The following MRPL1 variants were observed in gnomAD, a reference collection of about 807,000 sequenced individuals.
MRPL1 encodes large ribosomal subunit protein uL1m.
A neutral mutation model predicts 38.0 loss-of-function variants in MRPL1; 28 were observed. The observed-to-expected ratio is 0.74, with a 90% CI of 0.55 to 1.01. MRPL1 has a LOEUF of 1.01. Among genes scored for constraint, MRPL1 ranks in the 50% least tolerant of loss-of-function variants. The probability of loss-of-function intolerance (pLI) is 0.00; values close to 1 mark genes in which losing one functional copy is unlikely to be tolerated. For synonymous variants in MRPL1, 123 were observed against 126.7 expected, an observed-to-expected ratio of 0.97 and a Z score of 0.20; for missense variants, 358 against 389.8, an observed-to-expected ratio of 0.92 and a Z score of 0.69.
intron 7 of MRPL1, among the ~76,000 whole-genome samples, chr4:77,918,322 C>T (rs1472069044): frequency 6.6e-6 from 1 of 152,064 alleles, no homozygotes; most frequent in East Asian, 1.9e-4. Context: ...AATTTTCTCC[C>T]AAGTTTAAAT....
At chr4:77,884,489 T>C (rs1285372996) in intron 3 of MRPL1, among the ~76,000 whole-genome samples, 2 of 152,194 alleles carry the variant, frequency 1.3e-5, no homozygotes. Context: ...CTGGTCAAAA[T>C]GACTAGACAG....
chr4:77,898,694 A>G lies in MRPL1; in HGVS notation c.670+4444A>G, dbSNP rs186435679. 2.0e-5 allele frequency among the ~76,000 whole-genome samples: 3 copies of G among 152,136 alleles called. No homozygotes were observed. In the East Asian group the frequency reaches 5.8e-4, roughly 29 times the overall value. On this transcript the variant is annotated intron_variant, in intron 6 of 8. Transcript: ENST00000315567. ...TTTTTAGTAGAGATGGGGTTTCACC[A>G]TGTTGGCCAGGCTGGTCTCAAACTC...
rs546389159 is a variant in MRPL1 at position 77,876,962 on chromosome 4, G to A, written c.143+5107G>A. On this transcript the variant is annotated intron_variant, in intron 2 of 8. Transcript: ENST00000315567. The stretch of plus-strand genomic sequence containing the variant: ...TTTGCCCAGGCTGGAATGCAATGGC[G>A]TGATCTTGGCTTACTGCAACTTCCG... 3.9e-5 allele frequency among the ~76,000 whole-genome samples: 6 copies of A among 152,210 alleles called. No homozygotes were observed. The East Asian group carries it at 5.8e-4, about 15-fold the overall frequency.
At chr4:77,875,092 T>A (rs954221169) in intron 2 of MRPL1, among the ~76,000 whole-genome samples, 4 of 152,024 alleles carry the variant, frequency 2.6e-5, no homozygotes, top group Non-Finnish European at 4.4e-5. Flanking sequence ...CTGGCCCGTT[T>A]ATGTTTTCTT....
chr4:77,948,921 C>T (rs1737340756), intron 7 of MRPL1, among the ~76,000 whole-genome samples: 1 of 152,122 alleles, frequency 6.6e-6, no homozygotes, highest in South Asian at 2.1e-4. Flanking sequence ...CCGGCATCTG[C>T]CACCACACTT....
intron 2 of MRPL1, among the ~76,000 whole-genome samples, chr4:77,879,036 T>C (rs1735470150): frequency 6.6e-6 from 1 of 152,172 alleles, no homozygotes; most frequent in Non-Finnish European, 1.5e-5. Context: ...TGCAGCTAAG[T>C]TCTGTTCTCT....
chr4:77,893,765 C>A (rs542379096), intron 5 of MRPL1, among the ~76,000 whole-genome samples: 36 of 152,202 alleles, frequency 2.4e-4, no homozygotes, highest in African/African-American at 8.7e-4. Flanking sequence ...TACATGTGAT[C>A]TGTTGCAAAA....
intron 6 of MRPL1, 46 bp from the exon 7 acceptor site, chr4:77,909,220 C>G (rs1736230723): frequency 9.1e-7 from 1 of 1,102,732 alleles, no homozygotes; most frequent in South Asian, 1.3e-5. Flanking sequence ...GTAATTTTTA[C>G]TACTTATTTG....
chr4:77,881,946 G>A (rs1252789129), intron 2 of MRPL1, among the ~76,000 whole-genome samples: 3 of 152,090 alleles, frequency 2.0e-5, no homozygotes, highest in Admixed American at 6.6e-5. Context: ...CCTGTTTACT[G>A]ACTTCTTATT....
intron 7 of MRPL1, among the ~76,000 whole-genome samples, chr4:77,947,367 C>T (rs1443767596): frequency 6.6e-6 from 1 of 152,182 alleles, no homozygotes; most frequent in Non-Finnish European, 1.5e-5. Flanking sequence ...AGTTTTGTGA[C>T]TGTTAAATAT....
In MRPL1 at chr4:77,894,257, G is replaced by T. The variant is rs376801119; in HGVS notation, c.670+7G>T. The stretch of plus-strand genomic sequence containing the variant: ...TATCCAAAGCTTTCTCGAAGTAAGA[G>T]AATTCCTATTATTTCAATATCCTGT... On this transcript the variant is annotated splice_region_variant and intron_variant, in intron 6 of 8. Transcript: ENST00000315567. 67 of 1,490,290 alleles carry T rather than the reference G, an allele frequency of 4.5e-5. No individual in the cohort carries two copies. Among genetic ancestry groups the T allele is most frequent in the Non-Finnish European group, 5.9e-5 (64 of 1,085,696 alleles). The allele number at this position is 1,490,290 out of a possible 1,614,324, so 92.3% of individuals were successfully genotyped here. A position where few individuals can be genotyped will look rare whatever the true frequency, so the allele number is the denominator to read the frequency against.
chr4:77,865,674 C>T (rs191940298), intron 1 of MRPL1, among the ~76,000 whole-genome samples: 42 of 152,268 alleles, frequency 2.8e-4, no homozygotes, highest in Admixed American at 8.5e-4. Context: ...GCTGACTCCT[C>T]TCTGTATCTC....
intron 3 of MRPL1, among the ~76,000 whole-genome samples, chr4:77,884,032 C>G (rs1365751292): frequency 6.6e-6 from 1 of 152,036 alleles, no homozygotes; most frequent in Non-Finnish European, 1.5e-5. Flanking sequence ...TTTCCTATTT[C>G]CTCTAAGAGA....
chr4:77,901,629 CAAT>C (rs1213830158), intron 6 of MRPL1, among the ~76,000 whole-genome samples: 2 of 151,870 alleles, frequency 1.3e-5, no homozygotes, highest in Non-Finnish European at 2.9e-5. Context: ...ACTTTTAAGA[CAAT>C]GATTATTATT....
chr4:77,880,446 A>G (rs1351641129), intron 2 of MRPL1, among the ~76,000 whole-genome samples: 2 of 150,588 alleles, frequency 1.3e-5, no homozygotes, highest in Non-Finnish European at 2.9e-5. Flanking sequence ...TAGATAATCT[A>G]GGATAACTCT....
At chr4:77,923,486 T>C (rs1311402121) in intron 7 of MRPL1, among the ~76,000 whole-genome samples, 1 of 152,234 alleles carries the variant, frequency 6.6e-6, no homozygotes, top group African/African-American at 2.4e-5. Flanking sequence ...CTATAATCTA[T>C]TGACATAACA....
chr4:77,886,965 A>G (rs1578042969), intron 4 of MRPL1, among the ~76,000 whole-genome samples: 1 of 151,010 alleles, frequency 6.6e-6, no homozygotes, highest in East Asian at 2.0e-4. Context: ...GCCAATTTTT[A>G]TATTTTTAGT....
intron 1 of MRPL1, among the ~76,000 whole-genome samples, chr4:77,869,756 A>AT (rs1402206240): frequency 6.6e-6 from 1 of 151,498 alleles, no homozygotes; most frequent in African/African-American, 2.4e-5. Flanking sequence ...CACTCAGCTA[A>AT]TTTTTTTTGC....
intron 6 of MRPL1, among the ~76,000 whole-genome samples, chr4:77,908,705 C>T (rs1354049446): frequency 6.6e-6 from 1 of 152,204 alleles, no homozygotes; most frequent in Admixed American, 6.5e-5. Context: ...ATTATCTCAC[C>T]ATTTCTGTGT....
Sources: allele counts gnomAD v4.1 joint callset (sites outside exome capture counted in the v4.1 genomes callset), GRCh38; gene constraint gnomAD v4.1.1; transcripts MANE v1.5; gene names NCBI Gene and HGNC (gene_info 2026-07-23, HGNC 2026-07-21).